Variants in CIT observed in about 807,000 individuals in gnomAD.
CIT encodes the protein citron rho-interacting serine/threonine kinase.
CIT carries 79 observed loss-of-function variants against 272.7 expected under a neutral mutation model. The ratio of observed to expected loss-of-function variants is 0.29; its 90% CI spans 0.24 to 0.35. The LOEUF (loss-of-function observed/expected upper bound fraction) is 0.35. CIT is among the 10% of genes least tolerant of loss of function. The pLI, the probability that CIT is intolerant of heterozygous loss-of-function variation, is 1.00. For synonymous variants in CIT, 948 were observed against 995.6 expected, an observed-to-expected ratio of 0.95 and a Z score of 0.90; for missense variants, 1,909 against 2,618.3, an observed-to-expected ratio of 0.73 and a Z score of 5.91.
At chr12:119,831,492 G>T (rs1008874081) in intron 7 of CIT, among the ~76,000 whole-genome samples, 1 of 152,174 alleles carries the variant, frequency 6.6e-6, no homozygotes, top group African/African-American at 2.4e-5. Flanking sequence ...AGACAGGCCA[G>T]ATGCTAGAAA....
At chr12:119,702,901 T>A in intron 41 of CIT, among the ~76,000 whole-genome samples, 1 of 150,780 alleles carries the variant, frequency 6.6e-6, no homozygotes, top group Non-Finnish European at 1.5e-5. Context: ...ATCATCATGA[T>A]CATCATTATT....
At chr12:119,852,946 G>A (rs530308708) in intron 4 of CIT, among the ~76,000 whole-genome samples, 1 of 151,818 alleles carries the variant, frequency 6.6e-6, no homozygotes, top group African/African-American at 2.4e-5. Context: ...TGTATGTGAC[G>A]GTTAGTCTTA....
At chr12:119,814,713 T>C (rs1966978565) in intron 9 of CIT, among the ~76,000 whole-genome samples, 1 of 152,030 alleles carries the variant, frequency 6.6e-6, no homozygotes, top group African/African-American at 2.4e-5. Flanking sequence ...AGAAGAACTT[T>C]AAAAGGCCCC....
intron 3 of CIT, among the ~76,000 whole-genome samples, chr12:119,862,231 G>A (rs561874376): frequency 9.2e-5 from 14 of 152,266 alleles, no homozygotes; most frequent in African/African-American, 2.6e-4. Context: ...CTGACCTCAA[G>A]TAATACACCC....
intron 10 of CIT, among the ~76,000 whole-genome samples, chr12:119,790,288 G>A (rs61945558): frequency 9.9e-5 from 15 of 152,026 alleles, no homozygotes; most frequent in Middle Eastern, 3.4e-3. Context: ...AAATTATCCC[G>A]AAAAGTACCA....
chr12:119,753,720 G>C (rs1960561266), intron 22 of CIT, among the ~76,000 whole-genome samples: 1 of 149,498 alleles, frequency 6.7e-6, no homozygotes, highest in South Asian at 2.1e-4. Flanking sequence ...CTGGGTGACA[G>C]AGCGAGACTC....
chr12:119,726,227 TTTTTA>T (rs1240774054), intron 28 of CIT, among the ~76,000 whole-genome samples: 6 of 151,936 alleles, frequency 3.9e-5, no homozygotes, highest in African/African-American at 1.5e-4. Flanking sequence ...TAATTTTTAA[TTTTTA>T]TTTTGAGACA....
chr12:119,710,632 T>G lies in CIT; in HGVS notation c.4855-12A>C. The G allele has an allele frequency of 6.2e-7, 1 of 1,611,322 alleles. No homozygotes were observed. The highest frequency in any genetic ancestry group is 8.5e-7 in the Non-Finnish European group (1 of 1,177,746). On this transcript the variant is annotated splice_polypyrimidine_tract_variant and intron_variant, in intron 37 of 47. Coordinates refer to ENST00000392521, the MANE Select transcript of CIT (RefSeq NM_001206999.2). This position sits in a 1 kb window ranked among gnomAD's most constrained non-coding sequence, Gnocchi z 5.6. ...TTTCCAAGCAGTTTCTTTTCATAGG[T>G]GAAAGAAAAGAAAAACAGAAGACAT...
rs763001763 is a variant in CIT at position 119,784,527 on chromosome 12, G to A, written c.1401+433C>T. On this transcript the variant is annotated intron_variant, in intron 11 of 47. Transcript: ENST00000392521. This position sits in a 1 kb window ranked among gnomAD's most constrained non-coding sequence, Gnocchi z 4.7. ...TATTAGTTTCCAGAGCGTTGCCTCT[G>A]GGCAGGAACAGTGAATGTTAAGAGA... is the stretch of plus-strand genomic sequence containing the variant. 6 of 1,182,056 alleles carry A rather than the reference G, an allele frequency of 5.1e-6. No individual in the cohort carries two copies. Among genetic ancestry groups the A allele is most frequent in the Non-Finnish European group, 6.4e-6 (6 of 943,000 alleles). The allele number at this position is 1,182,056 out of a possible 1,614,324, so 73.2% of individuals were successfully genotyped here. A position where few individuals can be genotyped will look rare whatever the true frequency, so the allele number is the denominator to read the frequency against.
chr12:119,688,337 T>C, intron 47 of CIT, 82 bp from the exon 48 acceptor site: 2 of 1,367,010 alleles, frequency 1.5e-6, no homozygotes, highest in South Asian at 1.2e-5. Context: ...AATGGGAATC[T>C]GCAGCCCCTG....
intron 9 of CIT, among the ~76,000 whole-genome samples, chr12:119,806,233 G>C (rs1966601006): frequency 6.6e-6 from 1 of 151,716 alleles, no homozygotes; most frequent in Non-Finnish European, 1.5e-5. Flanking sequence ...TTAAAAGCTA[G>C]GGATATAAAC....
intron 22 of CIT, among the ~76,000 whole-genome samples, chr12:119,754,830 AAAC>A (rs903424328): frequency 1.3e-5 from 2 of 152,216 alleles, no homozygotes; most frequent in African/African-American, 4.8e-5. Flanking sequence ...TTCAAGTGAA[AAAC>A]AACAGCTTCC....
intron 32 of CIT, among the ~76,000 whole-genome samples, chr12:119,716,293 G>A (rs1054113356): frequency 2.8e-5 from 4 of 140,948 alleles, no homozygotes; most frequent in Non-Finnish European, 6.1e-5. Flanking sequence ...CATGAGAATC[G>A]CTTGAGCCTG....
chr12:119,845,925 G>A (rs761267200), intron 5 of CIT, among the ~76,000 whole-genome samples: 128 of 139,324 alleles, frequency 9.2e-4, no homozygotes, highest in Non-Finnish European at 8.8e-4. Flanking sequence ...TGGGCAACAC[G>A]GCAAGACTCC....
intron 39 of CIT, among the ~76,000 whole-genome samples, chr12:119,709,411 G>A (rs557663048): frequency 6.0e-4 from 91 of 152,164 alleles, no homozygotes; most frequent in Non-Finnish European, 1.1e-3. Flanking sequence ...GGGGGTATAT[G>A]GGAACTCTCT....
At chr12:119,809,243 A>T (rs1966765069) in intron 9 of CIT, among the ~76,000 whole-genome samples, 1 of 152,184 alleles carries the variant, frequency 6.6e-6, no homozygotes, top group African/African-American at 2.4e-5. Flanking sequence ...GGTTAGTGTC[A>T]GTACTGAGAC....
chr12:119,768,054 G>C lies in CIT; in HGVS notation c.2209-872C>G, dbSNP rs1329303379. 1.3e-5 allele frequency among the ~76,000 whole-genome samples: 2 copies of C among 151,992 alleles called. No individual in the cohort carries two copies. The highest frequency in any genetic ancestry group is 2.9e-5 in the Non-Finnish European group (2 of 68,026). On this transcript the variant is annotated intron_variant, in intron 18 of 47. Transcript: ENST00000392521. This position sits in a 1 kb window ranked among gnomAD's most constrained non-coding sequence, Gnocchi z 4.3. ...AGTCTCCCAAGTAGCTGGGATTATA[G>C]GCATGCGCCACCATGCCCGGCTAAT...
chr12:119,784,424 T>C lies in CIT; in HGVS notation c.1402-373A>G. 8.2e-7 allele frequency: 1 copy of C among 1,215,076 alleles called. No homozygotes were observed. Among genetic ancestry groups the C allele is most frequent in the South Asian group, 1.5e-5 (1 of 65,344 alleles). 75.3% of individuals were successfully genotyped at this position (1,215,076 alleles called of 1,614,324 possible). A position where few individuals can be genotyped will look rare whatever the true frequency, so the allele number is the denominator to read the frequency against. ...ATCCCCCCCCATCTCCTTGCAAAGA[T>C]CTAGAGGACAAATCCAGGACAGGGC... is the stretch of plus-strand genomic sequence containing the variant. On this transcript the variant is annotated intron_variant, in intron 11 of 47. Transcript: ENST00000392521. This position sits in a 1 kb window ranked among gnomAD's most constrained non-coding sequence, Gnocchi z 4.7.
At chr12:119,732,155 C>A (rs573600324) in intron 26 of CIT, among the ~76,000 whole-genome samples, 1 of 151,884 alleles carries the variant, frequency 6.6e-6, no homozygotes, top group East Asian at 1.9e-4. Flanking sequence ...CTCTTGAGGA[C>A]AAAGATTAAC....
Sources: allele counts gnomAD v4.1 joint callset (sites outside exome capture counted in the v4.1 genomes callset), GRCh38; gene constraint gnomAD v4.1.1; non-coding constraint Gnocchi (gnomAD v3.1); transcripts MANE v1.5; gene names NCBI Gene and HGNC (gene_info 2026-07-23, HGNC 2026-07-21).